Variants in PCDH9 observed in about 807,000 individuals in gnomAD.
The protein encoded by PCDH9 is protocadherin 9.
PCDH9 carries 24 observed loss-of-function variants against 70.6 expected under a neutral mutation model. That is an observed-to-expected ratio of 0.34 (90% CI 0.25 to 0.48). The LOEUF (loss-of-function observed/expected upper bound fraction) is 0.48. PCDH9 is among the 20% of genes least tolerant of loss of function. PCDH9 has a pLI of 0.99. For missense variants in PCDH9, 1,281 were observed against 1,503.6 expected (o/e 0.85, Z 2.45); for synonymous variants, 562 against 558.5 (o/e 1.01, Z -0.09).
chr13:66,658,197 T>C (rs987648536), intron 3 of PCDH9, among the ~76,000 whole-genome samples: 1 of 152,158 alleles, frequency 6.6e-6, no homozygotes, highest in African/African-American at 2.4e-5. Flanking sequence ...ATTTTGGTTG[T>C]TTGAATTTTT....
intron 3 of PCDH9, among the ~76,000 whole-genome samples, chr13:66,807,448 TTA>T (rs1424133967): frequency 6.6e-6 from 1 of 152,174 alleles, no homozygotes; most frequent in Non-Finnish European, 1.5e-5. Context: ...TTATGGGGTG[TTA>T]TATAAGAACT....
At chr13:67,004,683 T>C (rs1485646879) in intron 2 of PCDH9, among the ~76,000 whole-genome samples, 1 of 151,926 alleles carries the variant, frequency 6.6e-6, no homozygotes, top group Non-Finnish European at 1.5e-5. Flanking sequence ...TTCCATGGAG[T>C]CCAGGTTGGA....
At chr13:66,809,237 C>T (rs538162217) in intron 3 of PCDH9, among the ~76,000 whole-genome samples, 2 of 152,120 alleles carry the variant, frequency 1.3e-5, no homozygotes, top group Admixed American at 6.6e-5. Flanking sequence ...CATGAGCCAC[C>T]GCGCCAGGCC....
chr13:66,442,564 GAT>G (rs547929416), intron 4 of PCDH9, among the ~76,000 whole-genome samples: 2 of 151,274 alleles, frequency 1.3e-5, no homozygotes, highest in Non-Finnish European at 1.5e-5. Context: ...AGATTAAGTT[GAT>G]ATATATATAT....
intron 4 of PCDH9, among the ~76,000 whole-genome samples, chr13:66,489,346 G>T (rs1051803470): frequency 2.0e-5 from 3 of 151,966 alleles, no homozygotes; most frequent in Non-Finnish European, 2.9e-5. Flanking sequence ...TTTGAGACAG[G>T]CTCCATCACC....
intron 4 of PCDH9, among the ~76,000 whole-genome samples, chr13:66,318,465 ATTAT>A (rs1955694661): frequency 1.3e-5 from 2 of 152,198 alleles, no homozygotes. Flanking sequence ...CAAGGCATGA[ATTAT>A]TTATCATGTT....
intron 4 of PCDH9, among the ~76,000 whole-genome samples, chr13:66,481,330 C>A (rs1395811695): frequency 6.6e-6 from 1 of 151,122 alleles, no homozygotes; most frequent in Non-Finnish European, 1.5e-5. Context: ...ACTGCCATGG[C>A]CACCTCAACC....
intron 4 of PCDH9, among the ~76,000 whole-genome samples, chr13:66,588,946 T>A (rs1212153497): frequency 6.6e-6 from 1 of 152,060 alleles, no homozygotes; most frequent in Non-Finnish European, 1.5e-5. Context: ...AAGTTTTAAG[T>A]TCCTTAGTAA....
chr13:67,036,376 C>T (rs2085009724), intron 2 of PCDH9, among the ~76,000 whole-genome samples: 1 of 152,180 alleles, frequency 6.6e-6, no homozygotes, highest in Non-Finnish European at 1.5e-5. Context: ...ACCCACTAAT[C>T]TCTCAGGTCT....
chr13:66,568,224 T>G (rs1416328321), intron 4 of PCDH9, among the ~76,000 whole-genome samples: 1 of 152,126 alleles, frequency 6.6e-6, no homozygotes, highest in African/African-American at 2.4e-5. Context: ...AACACAGCCA[T>G]GTGCAAATCA....
chr13:66,687,650 T>G (rs1471887318), intron 3 of PCDH9, among the ~76,000 whole-genome samples: 2 of 152,178 alleles, frequency 1.3e-5, no homozygotes, highest in Non-Finnish European at 2.9e-5. Context: ...AAATATGCTT[T>G]GGATGAATGA....
intron 3 of PCDH9, among the ~76,000 whole-genome samples, chr13:66,835,250 C>T (rs2080996534): frequency 6.6e-6 from 1 of 152,156 alleles, no homozygotes; most frequent in Non-Finnish European, 1.5e-5. Context: ...CATGGCGGTT[C>T]CCAGAACTCC....
intron 3 of PCDH9, among the ~76,000 whole-genome samples, chr13:66,678,811 G>T (rs1010927142): frequency 6.6e-5 from 10 of 151,682 alleles, no homozygotes; most frequent in African/African-American, 2.4e-4. Flanking sequence ...TCTGAAAAAA[G>T]AAAACAAAAC....
At chr13:66,620,189 C>T (rs753101000) in intron 4 of PCDH9, among the ~76,000 whole-genome samples, 3 of 152,138 alleles carry the variant, frequency 2.0e-5, no homozygotes, top group Non-Finnish European at 4.4e-5. Flanking sequence ...TGGGCCCAAC[C>T]TATGTCTCAA....
intron 4 of PCDH9, among the ~76,000 whole-genome samples, chr13:66,532,938 G>A (rs958957865): frequency 3.3e-5 from 5 of 152,234 alleles, no homozygotes; most frequent in Admixed American, 6.5e-5. Flanking sequence ...TTAACCAAGG[G>A]TGAGATGTAG....
chr13:66,709,171 T>C (rs144541049), intron 3 of PCDH9, among the ~76,000 whole-genome samples: 143 of 152,288 alleles, frequency 9.4e-4, no homozygotes, highest in Non-Finnish European at 1.6e-3. Context: ...AAAAATAACA[T>C]GATATTTCCT....
At chr13:66,865,485 A>G (rs569688106) in intron 3 of PCDH9, among the ~76,000 whole-genome samples, 1 of 152,340 alleles carries the variant, frequency 6.6e-6, no homozygotes, top group South Asian at 2.1e-4. Flanking sequence ...CTATGGAAAA[A>G]TTATATCTTT....
chr13:67,226,468 G>A lies in PCDH9; in HGVS notation c.1973C>T (p.Thr658Ile). 6.2e-7 allele frequency: 1 copy of A among 1,613,996 alleles called. No individual in the cohort carries two copies. The highest frequency in any genetic ancestry group is 8.5e-7 in the Non-Finnish European group (1 of 1,179,844). ...CATGACGTTGATAGTTACTTTTGCAGTAGAGGAACGAGGTGGTTGTCCTCC... is the reference window on the plus strand; with the variant it reads ...CATGACGTTGATAGTTACTTTTGCAATAGAGGAACGAGGTGGTTGTCCTCC... ...TDGGQPPRSS[T>I]AKVTINVMDV... The change falls in exon 2 of 5, where the codon ACT becomes ATT. Residue 658 changes from threonine (T) to isoleucine (I), a missense_variant. Around this residue, in one of 4 missense-constraint regions of PCDH9, gnomAD observed 798 missense variants for 1,003.1 expected, o/e 0.80. Transcript: ENST00000377865. The surrounding 1 kb of genome is among the most constrained non-coding windows in gnomAD (Gnocchi z 5.0).
At chr13:67,178,664 T>A (rs773689007) in intron 2 of PCDH9, among the ~76,000 whole-genome samples, 4 of 152,108 alleles carry the variant, frequency 2.6e-5, no homozygotes, top group Admixed American at 6.6e-5. Flanking sequence ...TCTCTGCGTA[T>A]GCTGTTGCAT....
Sources: gnomAD v4.1 joint callset for allele counts (sites outside exome capture counted in the v4.1 genomes callset) on GRCh38, gnomAD v4.1.1 for gene constraint, gnomAD v4.1.1 regional missense constraint, Gnocchi (gnomAD v3.1) non-coding constraint, MANE v1.5 for transcripts, NCBI Gene and HGNC (gene_info 2026-07-23, HGNC 2026-07-21) for gene names.